Variants in DOK6 observed in about 807,000 individuals in gnomAD.
The protein encoded by DOK6 is downstream of tyrosine kinase 6.
In DOK6, 22 loss-of-function variants were observed where a neutral mutation model predicts 44.0. The observed-to-expected ratio is 0.50, with a 90% CI of 0.36 to 0.71. The LOEUF is 0.71. DOK6 is among the 30% of genes least tolerant of loss of function. DOK6 has a pLI of 0.00. For synonymous variants in DOK6, 166 were observed against 145.5 expected (o/e 1.14, Z -1.01); for missense variants, 340 against 416.4 (o/e 0.82, Z 1.60).
chr18:69,435,733 A>G (rs917530192), intron 1 of DOK6, among the ~76,000 whole-genome samples: 19 of 152,128 alleles, frequency 1.2e-4, no homozygotes, highest in African/African-American at 4.6e-4. Flanking sequence ...AGTATTTCCA[A>G]CTTATTATTG....
chr18:69,542,769 T>C (rs1218311691), intron 1 of DOK6, among the ~76,000 whole-genome samples: 1 of 151,584 alleles, frequency 6.6e-6, no homozygotes, highest in Admixed American at 6.6e-5. Context: ...ATTTCTTCCA[T>C]GGGCTTTCGA....
chr18:69,407,467 G>A (rs1916227234), intron 1 of DOK6, among the ~76,000 whole-genome samples: 1 of 152,158 alleles, frequency 6.6e-6, no homozygotes, highest in South Asian at 2.1e-4. Context: ...TTTAGTCACA[G>A]TATTTTCTGT....
intron 5 of DOK6, among the ~76,000 whole-genome samples, chr18:69,699,945 T>A (rs1206039933): frequency 1.3e-5 from 2 of 151,930 alleles, no homozygotes; most frequent in Non-Finnish European, 2.9e-5. Context: ...GGCCTCACAG[T>A]CATGGCAGAA....
chr18:69,620,298 T>G (rs1376144842), intron 3 of DOK6, among the ~76,000 whole-genome samples: 1 of 152,250 alleles, frequency 6.6e-6, no homozygotes, highest in Non-Finnish European at 1.5e-5. Flanking sequence ...CCAGATTGTA[T>G]TTGTGAACAT....
intron 1 of DOK6, among the ~76,000 whole-genome samples, chr18:69,445,718 A>G (rs542826882): frequency 2.0e-5 from 3 of 152,238 alleles, no homozygotes; most frequent in East Asian, 3.9e-4. Flanking sequence ...TTTTTGGAGA[A>G]TATCAAAAAT....
intron 1 of DOK6, among the ~76,000 whole-genome samples, chr18:69,490,545 A>G (rs937919110): frequency 6.6e-6 from 1 of 152,186 alleles, no homozygotes; most frequent in Non-Finnish European, 1.5e-5. Context: ...GCCTGTTAGC[A>G]TATACTTAAG....
At chr18:69,564,309 A>G (rs1982917178) in intron 1 of DOK6, among the ~76,000 whole-genome samples, 178 bp from the exon 2 acceptor site, 1 of 152,352 alleles carries the variant, frequency 6.6e-6, no homozygotes, top group South Asian at 2.1e-4. Flanking sequence ...TTCACAAAAA[A>G]TTATTTTACA....
At chr18:69,452,370 T>C (rs1249974872) in intron 1 of DOK6, among the ~76,000 whole-genome samples, 3 of 149,526 alleles carry the variant, frequency 2.0e-5, no homozygotes, top group African/African-American at 5.0e-5. Context: ...CAGGAAGAAG[T>C]TGAATCTCTG....
chr18:69,447,700 A>G lies in DOK6; in HGVS notation c.66+46390A>G, dbSNP rs184584832. ...TCACCTCCTATTTTCATGGAGTCAG[A>G]AGGTGAGCCCGTGATGAAAGCTGAG... is the stretch of plus-strand genomic sequence containing the variant. On this transcript the variant is annotated intron_variant, in intron 1 of 7. Transcript: ENST00000382713. Among the ~76,000 whole-genome samples, 511 of 152,316 alleles carry G rather than the reference A, an allele frequency of 3.4e-3. 12 individuals are homozygous for G. The highest frequency in any genetic ancestry group is 1.8e-3 in the Non-Finnish European group (120 of 68,028).
rs979966937 is a variant in DOK6 at position 69,637,608 on chromosome 18, T to A, written c.289+38110T>A. ...AGAATTTTGGAGTTGAAAAGGACCT[T>A]AGAGAATATCTAATCTATTGGGTCA... On this transcript the variant is annotated intron_variant, in intron 3 of 7. Coordinates refer to ENST00000382713, the MANE Select transcript of DOK6 (RefSeq NM_152721.6). Among the ~76,000 whole-genome samples, 85 of 152,324 alleles carry A rather than the reference T, an allele frequency of 5.6e-4. 1 individual carries two copies. The highest frequency in any genetic ancestry group is 3.4e-3 in the Middle Eastern group (1 of 294).
At chr18:69,549,000 C>T (rs1160183225) in intron 1 of DOK6, among the ~76,000 whole-genome samples, 1 of 149,818 alleles carries the variant, frequency 6.7e-6, no homozygotes, top group South Asian at 2.1e-4. Flanking sequence ...GAGGCTGAGG[C>T]AGGAGAATGG....
chr18:69,610,913 T>C (rs920641437), intron 3 of DOK6, among the ~76,000 whole-genome samples: 2 of 151,996 alleles, frequency 1.3e-5, no homozygotes, highest in Non-Finnish European at 2.9e-5. Flanking sequence ...CCCCTACGTA[T>C]GGATATTTAG....
At chr18:69,760,106 TGTTA>T (rs772491998) in intron 7 of DOK6, among the ~76,000 whole-genome samples, 7 of 152,114 alleles carry the variant, frequency 4.6e-5, no homozygotes, top group Non-Finnish European at 7.4e-5. Flanking sequence ...TAGATAAAGT[TGTTA>T]GTTATACTTT....
At chr18:69,694,058 C>CAAAAAAAAAAAAAAAAAAAAAAAA (rs60662789) in intron 4 of DOK6, among the ~76,000 whole-genome samples, 3 of 61,980 alleles carry the variant, frequency 4.8e-5, no homozygotes, top group Admixed American at 2.4e-4. Context: ...GACTCCGTGT[C>CAAAAAAAAAAAAAAAAAAAAAAAA]AAAAAAAAAA....
intron 7 of DOK6, among the ~76,000 whole-genome samples, chr18:69,798,669 T>C (rs1599331386): frequency 6.6e-6 from 1 of 151,942 alleles, no homozygotes; most frequent in East Asian, 1.9e-4. Context: ...AAGGTTTTTG[T>C]TTTCTGTTTT....
chr18:69,645,042 A>G (rs1342115108), intron 3 of DOK6, among the ~76,000 whole-genome samples: 1 of 152,232 alleles, frequency 6.6e-6, no homozygotes, highest in African/African-American at 2.4e-5. Flanking sequence ...TTTGATTCTC[A>G]AAGATACGCA....
chr18:69,465,451 C>A (rs1484228080), intron 1 of DOK6, among the ~76,000 whole-genome samples: 1 of 151,558 alleles, frequency 6.6e-6, no homozygotes, highest in African/African-American at 2.4e-5. Context: ...AGCTATCCCT[C>A]CCCGCTCCCC....
At chr18:69,623,296 T>G (rs1984485411) in intron 3 of DOK6, among the ~76,000 whole-genome samples, 1 of 152,118 alleles carries the variant, frequency 6.6e-6, no homozygotes, top group Non-Finnish European at 1.5e-5. Context: ...GATTACCCAG[T>G]CTCAGGTAGT....
Position 69,788,428 on chromosome 18 carries a change from G to A in DOK6, c.856+30555G>A, listed in dbSNP as rs771351267. On this transcript the variant is annotated intron_variant, in intron 7 of 7. Transcript: ENST00000382713. ...ATTTGTAAGCATAAATGGGCTCTTT[G>A]TAATGAGAAGAAATTAGAGGGTTCT... is the stretch of plus-strand genomic sequence containing the variant. Among the ~76,000 whole-genome samples, 93 of 152,160 alleles carry A rather than the reference G, an allele frequency of 6.1e-4. 1 individual carries two copies. Among genetic ancestry groups the A allele is most frequent in the Non-Finnish European group, 5.7e-4 (39 of 68,022 alleles).
Sources: gnomAD v4.1 joint callset for allele counts (sites outside exome capture counted in the v4.1 genomes callset) on GRCh38, gnomAD v4.1.1 for gene constraint, MANE v1.5 for transcripts, NCBI Gene and HGNC (gene_info 2026-07-23, HGNC 2026-07-21) for gene names.